PDE1A: variants seen among roughly 807,000 people sequenced by gnomAD.
The protein encoded by PDE1A is dual specificity calcium/calmodulin-dependent 3',5'-cyclic nucleotide phosphodiesterase 1A.
A neutral mutation model predicts 61.7 loss-of-function variants in PDE1A; 35 were observed. The ratio of observed to expected loss-of-function variants is 0.57; its 90% CI spans 0.43 to 0.75. PDE1A has a LOEUF of 0.75. Among genes scored for constraint, PDE1A ranks in the 30% least tolerant of loss-of-function variants. PDE1A has a pLI of 0.00. For synonymous variants in PDE1A, 232 were observed against 213.2 expected (o/e 1.09, Z -0.77); for missense variants, 597 against 630.6 (o/e 0.95, Z 0.57).
intron 13 of PDE1A, among the ~76,000 whole-genome samples, chr2:182,153,960 T>A (rs1232890836): frequency 6.6e-6 from 1 of 152,206 alleles, no homozygotes; most frequent in Non-Finnish European, 1.5e-5. Flanking sequence ...TGCCAAAAAT[T>A]CACATATTCT....
the PDE1A span, among the ~76,000 whole-genome samples, chr2:182,662,589 A>T: frequency 6.6e-6 from 1 of 152,172 alleles, no homozygotes; most frequent in African/African-American, 2.4e-5. Context: ...GCAGTGGGGA[A>T]AGGACTCCCT....
intron 1 of PDE1A, among the ~76,000 whole-genome samples, chr2:182,407,792 T>C (rs1012425151): frequency 1.3e-5 from 2 of 152,224 alleles, no homozygotes; most frequent in African/African-American, 4.8e-5. Context: ...TCTTCACATG[T>C]TGGGAGACTA....
At chr2:182,354,339 T>G (rs889406084) in intron 1 of PDE1A, among the ~76,000 whole-genome samples, 2 of 152,136 alleles carry the variant, frequency 1.3e-5, no homozygotes, top group Non-Finnish European at 2.9e-5. Context: ...ATCCGAAATA[T>G]TTGAAAGCGA....
the PDE1A span, among the ~76,000 whole-genome samples, chr2:182,557,927 G>A: frequency 3.9e-4 from 60 of 152,128 alleles, no homozygotes; most frequent in Middle Eastern, 3.4e-3. Flanking sequence ...GTTTTCTATT[G>A]AAATTTTAAC....
chr2:182,437,627 G>A (rs1684520856), intron 2 of PDE1A, among the ~76,000 whole-genome samples: 1 of 151,914 alleles, frequency 6.6e-6, no homozygotes, highest in Non-Finnish European at 1.5e-5. Context: ...TAATTTTAGA[G>A]ATAGCTAATA....
the PDE1A span, among the ~76,000 whole-genome samples, chr2:182,589,290 AG>A: frequency 6.7e-6 from 1 of 150,304 alleles, no homozygotes; most frequent in Non-Finnish European, 1.5e-5. Flanking sequence ...GAAGGAAGGA[AG>A]GAAGGAAGGA....
the PDE1A span, among the ~76,000 whole-genome samples, chr2:182,658,882 C>T: frequency 2.4e-3 from 362 of 152,260 alleles, 3 homozygotes; most frequent in African/African-American, 8.3e-3. Flanking sequence ...AATTCCATTA[C>T]TTTCAAACAC....
At chr2:182,395,001 G>A (rs1701623112) in intron 1 of PDE1A, among the ~76,000 whole-genome samples, 1 of 152,224 alleles carries the variant, frequency 6.6e-6, no homozygotes, top group South Asian at 2.1e-4. Flanking sequence ...GCAGAAGACA[G>A]ATGGATCTCT....
the PDE1A span, among the ~76,000 whole-genome samples, chr2:182,599,299 G>C: frequency 6.6e-6 from 1 of 152,164 alleles, no homozygotes; most frequent in African/African-American, 2.4e-5. Context: ...GCAGCTGCTT[G>C]AGCTCTCCAT....
At chr2:182,418,568 A>G (rs16823201) in intron 1 of PDE1A, among the ~76,000 whole-genome samples, 9,488 of 152,198 alleles carry the variant, frequency 0.062, 335 homozygotes, top group South Asian at 0.11. Context: ...TTTCTTCAAC[A>G]GCGGAATGAA....
intron 1 of PDE1A, among the ~76,000 whole-genome samples, chr2:182,360,582 G>T (rs1699444393): frequency 1.3e-5 from 2 of 148,804 alleles, no homozygotes; most frequent in South Asian, 4.3e-4. Flanking sequence ...TAGACACAGT[G>T]GGCATAGTGC....
chr2:182,404,557 A>C lies in PDE1A; in HGVS notation c.53+22021T>G, dbSNP rs544990772. ...ACTCTTTTGTAGTAATACTTGGCAC[A>C]AACACATTGTACTGTTGTACAAAAA... On this transcript the variant is annotated intron_variant, in intron 1 of 13. Coordinates refer to ENST00000351439, the Ensembl canonical transcript of PDE1A. 1.3e-3 allele frequency among the ~76,000 whole-genome samples: 192 copies of C among 152,224 alleles called. 1 individual carries two copies. Among genetic ancestry groups the C allele is most frequent in the Admixed American group, 3.5e-3 (54 of 15,270 alleles).
intron 1 of PDE1A, among the ~76,000 whole-genome samples, chr2:182,304,722 C>T (rs1695466785): frequency 6.6e-6 from 1 of 152,266 alleles, no homozygotes; most frequent in Admixed American, 6.5e-5. Flanking sequence ...AGCCAGAACA[C>T]ACACAACATT....
At chr2:182,530,480 T>C in the PDE1A span, among the ~76,000 whole-genome samples, 1 of 152,088 alleles carries the variant, frequency 6.6e-6, no homozygotes, top group Non-Finnish European at 1.5e-5. Context: ...AGACATATTG[T>C]AGTGAAGATT....
At chr2:182,273,434 C>A (rs542872927) in intron 1 of PDE1A, among the ~76,000 whole-genome samples, 1 of 151,218 alleles carries the variant, frequency 6.6e-6, no homozygotes, top group African/African-American at 2.4e-5. Context: ...AGGCATATGG[C>A]TAAGCCAAGG....
intron 2 of PDE1A, among the ~76,000 whole-genome samples, chr2:182,514,917 T>C (rs1690038419): frequency 6.6e-6 from 1 of 152,176 alleles, no homozygotes; most frequent in Non-Finnish European, 1.5e-5. Flanking sequence ...GTTTTGAAGG[T>C]TAAGTTGAAT....
At chr2:182,241,755 C>T (rs769081305) in intron 2 of PDE1A, 168 of 1,230,888 alleles carry the variant, frequency 1.4e-4, no homozygotes, top group Middle Eastern at 6.6e-4. Context: ...ATACATATAA[C>T]GATAAAAAAT....
intron 1 of PDE1A, among the ~76,000 whole-genome samples, chr2:182,335,564 T>A (rs548150741): frequency 6.6e-6 from 1 of 152,308 alleles, no homozygotes; most frequent in Admixed American, 6.5e-5. Flanking sequence ...TGGCTGGCCA[T>A]ATGCAGAAAA....
At chr2:182,584,950 C>T in the PDE1A span, among the ~76,000 whole-genome samples, 1 of 152,140 alleles carries the variant, frequency 6.6e-6, no homozygotes, top group Non-Finnish European at 1.5e-5. Flanking sequence ...AACAAAAATA[C>T]ACAAAACAAA....
Sources: gnomAD v4.1 joint callset for allele counts (sites outside exome capture counted in the v4.1 genomes callset) on GRCh38, gnomAD v4.1.1 for gene constraint, MANE v1.5 for transcripts, NCBI Gene and HGNC (gene_info 2026-07-23, HGNC 2026-07-21) for gene names.